The following NHS variants were observed in gnomAD, a reference collection of about 807,000 sequenced individuals.
NHS encodes the protein NHS actin remodeling regulator, also known as actin remodeling regulator NHS.
In NHS, 5 loss-of-function variants were observed where a neutral mutation model predicts 72.5. The observed-to-expected ratio is 0.07, with a 90% CI of 0.04 to 0.14. The LOEUF is 0.14. Among genes scored for constraint, NHS ranks in the 10% least tolerant of loss-of-function variants. The probability of loss-of-function intolerance (pLI) is 1.00; values close to 1 mark genes in which losing one functional copy is unlikely to be tolerated. For synonymous variants in NHS, 464 were observed against 547.7 expected (o/e 0.85, Z 2.13); for missense variants, 1,072 against 1,355.7 (o/e 0.79, Z 3.29).
At chrX:17,583,025 C>A (rs778693580) in intron 1 of NHS, among the ~76,000 whole-genome samples, 10 of 111,888 alleles carry the variant, frequency 8.9e-5, no homozygotes, top group Non-Finnish European at 1.7e-4. Context: ...GTCTTTCTAT[C>A]ATGAGTTGGA....
In NHS at chrX:17,687,924, C is replaced by T. The variant is rs367740284; in HGVS notation, c.718+30C>T. 16 of 1,196,203 alleles carry T rather than the reference C, an allele frequency of 1.3e-5. No individual in the cohort carries two copies. The East Asian group carries it at 1.8e-4, about 13-fold the overall frequency. Reference sequence around the variant, plus strand: ...CAGATCCTGGGCTTGGGGGCTTTTGCGGGAGACAACTCGGAGGTTGTCCCA... The same window carrying T: ...CAGATCCTGGGCTTGGGGGCTTTTGTGGGAGACAACTCGGAGGTTGTCCCA... On this transcript the variant is annotated intron_variant, in intron 2 of 8. Coordinates refer to ENST00000676302, the MANE Select transcript of NHS (RefSeq NM_001291867.2).
chrX:17,510,150 C>G (rs2065080367), intron 1 of NHS, among the ~76,000 whole-genome samples: 1 of 112,559 alleles, frequency 8.9e-6, no homozygotes, highest in Non-Finnish European at 1.9e-5. Flanking sequence ...TTTTATTTCT[C>G]TTTTTCAGTG....
At chrX:17,578,644 A>C (rs756044599) in intron 1 of NHS, among the ~76,000 whole-genome samples, 28 of 112,341 alleles carry the variant, frequency 2.5e-4, no homozygotes, top group African/African-American at 8.7e-4. Flanking sequence ...TAGCAACAAG[A>C]AGTAAGGCTG....
intron 1 of NHS, among the ~76,000 whole-genome samples, chrX:17,489,099 T>C (rs1193105816): frequency 8.9e-6 from 1 of 112,012 alleles, no homozygotes; most frequent in African/African-American, 3.2e-5. Context: ...GCTTCATCCA[T>C]GTCCCTGCAA....
chrX:17,657,893 C>G (rs1223053974), intron 1 of NHS, among the ~76,000 whole-genome samples: 1 of 113,131 alleles, frequency 8.8e-6, no homozygotes, highest in Non-Finnish European at 1.9e-5. Context: ...ACCATGCCAA[C>G]TTCCTACTGT....
intron 1 of NHS, among the ~76,000 whole-genome samples, chrX:17,482,968 C>T (rs2064952404): frequency 9.0e-6 from 1 of 111,649 alleles, no homozygotes; most frequent in Non-Finnish European, 1.9e-5. Flanking sequence ...TCTGACACCT[C>T]GTGGGGACAC....
chrX:17,454,191 T>C (rs1601713713), intron 1 of NHS, among the ~76,000 whole-genome samples: 1 of 112,126 alleles, frequency 8.9e-6, no homozygotes, highest in East Asian at 2.8e-4. Context: ...TGTTGATTTA[T>C]AGGCTATTTG....
chrX:17,587,950 C>CTTCAA (rs1198824801), intron 1 of NHS, among the ~76,000 whole-genome samples: 2 of 112,011 alleles, frequency 1.8e-5, no homozygotes, highest in Non-Finnish European at 1.9e-5. Context: ...GAGACTACAG[C>CTTCAA]GGGATGGCTT....
chrX:17,731,426 C>T lies in NHS; in HGVS notation c.4350-432C>T, dbSNP rs987509849. Among the ~76,000 whole-genome samples the T allele has an allele frequency of 7.4e-5, 8 of 108,561 alleles. 1 individual carries two copies. The highest frequency in any genetic ancestry group is 4.9e-4 in the Admixed American group (5 of 10,149). 94.3% of individuals were successfully genotyped at this position (108,561 alleles called of 115,157 possible). ...CTAATTTTTGTATTTTTAGTAGAGACGGGGTTTCACCATGTTGGCCAGGAT... is the reference window on the plus strand; with the variant it reads ...CTAATTTTTGTATTTTTAGTAGAGATGGGGTTTCACCATGTTGGCCAGGAT... On this transcript the variant is annotated intron_variant, in intron 8 of 8. Transcript: ENST00000676302.
intron 1 of NHS, among the ~76,000 whole-genome samples, chrX:17,525,208 A>G (rs1421399048): frequency 8.9e-6 from 1 of 112,647 alleles, no homozygotes; most frequent in Non-Finnish European, 1.9e-5. Context: ...TGCATATGTT[A>G]TCATTTATTT....
intron 3 of NHS, among the ~76,000 whole-genome samples, chrX:17,695,610 G>T (rs1015194379): frequency 9.0e-6 from 1 of 111,480 alleles, no homozygotes; most frequent in Non-Finnish European, 1.9e-5. Flanking sequence ...GCACTGCAGT[G>T]AACTCCTAAG....
chrX:17,470,107 C>A (rs1009332395), intron 1 of NHS, among the ~76,000 whole-genome samples: 4 of 110,745 alleles, frequency 3.6e-5, no homozygotes, highest in Non-Finnish European at 5.7e-5. Context: ...TTTTACTCAA[C>A]CCTGCAAATC....
At chrX:17,387,907 T>C (rs1409841017) in intron 1 of NHS, among the ~76,000 whole-genome samples, 1 of 112,942 alleles carries the variant, frequency 8.9e-6, no homozygotes, top group Non-Finnish European at 1.9e-5. Context: ...TTGGCTATTA[T>C]TGGCTATTTT....
intron 1 of NHS, among the ~76,000 whole-genome samples, chrX:17,514,844 T>C (rs2065111289): frequency 8.9e-6 from 1 of 111,749 alleles, no homozygotes; most frequent in South Asian, 3.8e-4. Context: ...GTCATTATTT[T>C]CTTTGGTTTC....
intron 1 of NHS, among the ~76,000 whole-genome samples, chrX:17,555,223 G>A (rs1444177598): frequency 2.8e-5 from 3 of 106,604 alleles, no homozygotes; most frequent in East Asian, 2.9e-4. Context: ...GGCTGGCAGC[G>A]GGTTATTTTT....
chrX:17,647,675 T>C (rs2065912295), intron 1 of NHS, among the ~76,000 whole-genome samples: 2 of 112,634 alleles, frequency 1.8e-5, no homozygotes, highest in African/African-American at 6.5e-5. Flanking sequence ...TTAATTTCAG[T>C]GATGGATTTC....
intron 8 of NHS, among the ~76,000 whole-genome samples, chrX:17,730,491 A>G (rs2066480067): frequency 8.9e-6 from 1 of 111,764 alleles, no homozygotes; most frequent in Admixed American, 9.4e-5. Flanking sequence ...TCAACCACAG[A>G]GGTTTCTGTG....
chrX:17,653,422 T>C (rs981402601), intron 1 of NHS, among the ~76,000 whole-genome samples: 1 of 109,682 alleles, frequency 9.1e-6, no homozygotes, highest in African/African-American at 3.3e-5. Flanking sequence ...TCTTTTCTTT[T>C]TCTTTTTTTT....
At chrX:17,717,604 G>C (rs754775556) in intron 3 of NHS, among the ~76,000 whole-genome samples, 14 of 112,537 alleles carry the variant, frequency 1.2e-4, no homozygotes, top group African/African-American at 4.5e-4. Context: ...TTATTCTCCA[G>C]ATAGGACTGG....
Sources: gnomAD v4.1 joint callset for allele counts (sites outside exome capture counted in the v4.1 genomes callset) on GRCh38, gnomAD v4.1.1 for gene constraint, MANE v1.5 for transcripts, NCBI Gene and HGNC (gene_info 2026-07-23, HGNC 2026-07-21) for gene names.